SHROOM4: variants seen among roughly 807,000 people sequenced by gnomAD.
The protein encoded by SHROOM4 is shroom family member 4, also known as protein Shroom4.
In SHROOM4, 17 loss-of-function variants were observed where a neutral mutation model predicts 80.3. That is an observed-to-expected ratio of 0.21 (90% CI 0.14 to 0.32). SHROOM4 has a LOEUF of 0.32. Ranked by LOEUF, SHROOM4 falls within the 10% of genes least tolerant of loss-of-function variation. The probability of loss-of-function intolerance (pLI) is 1.00; values close to 1 mark genes in which losing one functional copy is unlikely to be tolerated. For missense variants in SHROOM4, 993 were observed against 1,140.3 expected (o/e 0.87, Z 1.86); for synonymous variants, 400 against 437.5 (o/e 0.91, Z 1.07).
At chrX:50,694,765 G>A (rs1432216559) in intron 2 of SHROOM4, among the ~76,000 whole-genome samples, 1 of 108,143 alleles carries the variant, frequency 9.2e-6, no homozygotes, top group Non-Finnish European at 1.9e-5. Flanking sequence ...AATTCTGGCT[G>A]CAGAGGGTGG....
intron 5 of SHROOM4, among the ~76,000 whole-genome samples, chrX:50,613,224 G>A (rs1054656754): frequency 3.6e-5 from 4 of 110,811 alleles, no homozygotes; most frequent in Non-Finnish European, 5.7e-5. Flanking sequence ...AGCGACACTC[G>A]TGCCTCAGCC....
intron 1 of SHROOM4, among the ~76,000 whole-genome samples, chrX:50,751,513 G>A (rs1172602573): frequency 5.4e-5 from 6 of 111,415 alleles, no homozygotes; most frequent in Non-Finnish European, 1.1e-4. Context: ...CAGATATTTC[G>A]TCCTTTGTGG....
At chrX:50,690,839 C>T (rs111277573) in intron 2 of SHROOM4, among the ~76,000 whole-genome samples, 4,575 of 111,404 alleles carry the variant, frequency 0.041, 259 homozygotes, top group African/African-American at 0.14. Flanking sequence ...TGGTGGTGCA[C>T]GCCTGTAGTC....
intron 8 of SHROOM4, among the ~76,000 whole-genome samples, chrX:50,597,366 A>T (rs1486306537): frequency 1.8e-5 from 2 of 111,462 alleles, no homozygotes; most frequent in Non-Finnish European, 3.8e-5. Context: ...GTGTGAGTGT[A>T]TGTGTCTGTG....
intron 6 of SHROOM4, among the ~76,000 whole-genome samples, chrX:50,604,961 A>G (rs1557248240): frequency 8.9e-6 from 1 of 112,387 alleles, no homozygotes; most frequent in Non-Finnish European, 1.9e-5. Context: ...TTAACAGAAC[A>G]GTATGTAGGT....
chrX:50,708,838 A>G (rs1463328880), intron 1 of SHROOM4, among the ~76,000 whole-genome samples: 1 of 111,688 alleles, frequency 9.0e-6, no homozygotes. Context: ...ATTTAGAGGG[A>G]AGGACCAGCT....
At chrX:50,695,717 T>C (rs1933350199) in intron 2 of SHROOM4, 69 bp downstream of exon 2, 33 of 1,079,452 alleles carry the variant, frequency 3.1e-5, no homozygotes, top group Non-Finnish European at 3.9e-5. Context: ...GACATGACTC[T>C]ATTGAGCTTT....
rs782168271 is a variant in SHROOM4, at chrX:50,635,107, AGGGTTCCTTGCG to A, written c.954_965del (p.Ala319_Pro322del). ...GCCCACTGAGGCAACAGAACCTATT[AGGGTTCCTTGCG>A]GGTAGCACAGGCTCTAAGCTCAGTT... On this transcript the variant is annotated inframe_deletion, in exon 4 of 9. Transcript: ENST00000376020. 24 of 1,210,214 alleles carry A rather than the reference AGGGTTCCTTGCG, an allele frequency of 2.0e-5. No individual in the cohort carries two copies. In the African/African-American group the frequency reaches 2.3e-4, roughly 11 times the overall value.
chrX:50,666,960 A>T (rs782075024), intron 2 of SHROOM4, among the ~76,000 whole-genome samples: 14 of 112,141 alleles, frequency 1.2e-4, no homozygotes, highest in African/African-American at 3.9e-4. Flanking sequence ...CATCACAGAA[A>T]AAAGGAAGAA....
intron 1 of SHROOM4, among the ~76,000 whole-genome samples, chrX:50,797,034 A>C (rs1260662584): frequency 1.2e-5 from 1 of 82,744 alleles, no homozygotes; most frequent in African/African-American, 4.6e-5. Flanking sequence ...AAAAGAGGAG[A>C]GGGGGAAAGG....
At chrX:50,791,274 C>A (rs1216372637) in intron 1 of SHROOM4, among the ~76,000 whole-genome samples, 1 of 111,494 alleles carries the variant, frequency 9.0e-6, no homozygotes, top group Non-Finnish European at 1.9e-5. Flanking sequence ...GACTTGTATA[C>A]TGAAAACTAT....
chrX:50,581,309 C>T, the SHROOM4 span, among the ~76,000 whole-genome samples: 1,286 of 111,746 alleles, frequency 0.012, 27 homozygotes, highest in African/African-American at 0.039. Context: ...CAAATTTATG[C>T]CTGTATACTG....
intron 1 of SHROOM4, among the ~76,000 whole-genome samples, chrX:50,751,701 T>C (rs1209611081): frequency 8.9e-6 from 1 of 112,060 alleles, no homozygotes; most frequent in African/African-American, 3.2e-5. Flanking sequence ...TGACTTCATA[T>C]TAGCAGTGTT....
At chrX:50,772,038 G>A (rs868987149) in intron 1 of SHROOM4, among the ~76,000 whole-genome samples, 14 of 98,018 alleles carry the variant, frequency 1.4e-4, no homozygotes, top group African/African-American at 4.6e-4. Flanking sequence ...GTGTGTGTGT[G>A]TATAAACATG....
In SHROOM4 at chrX:50,695,980, C is replaced by T. The variant is rs782007609; in HGVS notation, c.118-43G>A. On this transcript the variant is annotated intron_variant, in intron 1 of 8. Coordinates refer to ENST00000376020, the MANE Select transcript of SHROOM4 (RefSeq NM_020717.5). ...AAACAGAAAGCAGGTAGTGAGATGA[C>T]TTTCTCCCCAAAATTCTACTTGTTT... is the stretch of plus-strand genomic sequence containing the variant. The T allele has an allele frequency of 3.3e-6, 4 of 1,201,502 alleles. No individual in the cohort carries two copies. The Admixed American group carries it at 6.5e-5, about 20-fold the overall frequency.
intron 5 of SHROOM4, among the ~76,000 whole-genome samples, chrX:50,623,075 G>A (rs1930640482): frequency 9.0e-6 from 1 of 111,684 alleles, no homozygotes; most frequent in African/African-American, 3.3e-5. Flanking sequence ...CTGGGCCTGG[G>A]GCCACATTTT....
intron 2 of SHROOM4, among the ~76,000 whole-genome samples, chrX:50,649,009 G>C (rs1931944032): frequency 9.0e-6 from 1 of 111,688 alleles, no homozygotes; most frequent in Admixed American, 9.5e-5. Context: ...TAAGCTAATG[G>C]AATAGACACA....
intron 1 of SHROOM4, among the ~76,000 whole-genome samples, chrX:50,804,502 T>C (rs1302246394): frequency 6.2e-5 from 7 of 112,235 alleles, no homozygotes; most frequent in African/African-American, 2.3e-4. Flanking sequence ...TATCTAGTTC[T>C]CTTCTATTTC....
At chrX:50,620,689 T>A (rs992489972) in intron 5 of SHROOM4, among the ~76,000 whole-genome samples, 3 of 111,901 alleles carry the variant, frequency 2.7e-5, no homozygotes, top group African/African-American at 9.7e-5. Context: ...TTGATTTTTT[T>A]AATTGCTGAT....
Sources: allele counts gnomAD v4.1 joint callset (sites outside exome capture counted in the v4.1 genomes callset), GRCh38; gene constraint gnomAD v4.1.1; transcripts MANE v1.5; gene names NCBI Gene and HGNC (gene_info 2026-07-23, HGNC 2026-07-21).